Variants in BAALC observed in about 807,000 individuals in gnomAD.
BAALC encodes the protein brain and acute leukemia cytoplasmic protein.
Under a neutral mutation model 15.5 loss-of-function variants are expected in BAALC, and 9 were observed. That is an observed-to-expected ratio of 0.58 (90% confidence interval 0.35 to 1.02). The LOEUF is 1.02. BAALC is among the 50% of genes least tolerant of loss of function. The pLI, the probability that BAALC is intolerant of heterozygous loss-of-function variation, is 0.02. For missense variants in BAALC, 201 were observed against 192.4 expected, an observed-to-expected ratio of 1.04 and a Z score of -0.27; for synonymous variants, 80 against 74.6, an observed-to-expected ratio of 1.07 and a Z score of -0.37.
Position 103,173,789 on chromosome 8 carries a change from T to C in BAALC, c.160+32732T>C, listed in dbSNP as rs138203127. Among the ~76,000 whole-genome samples, 691 of 152,242 alleles carry C rather than the reference T, an allele frequency of 4.5e-3. 7 individuals are homozygous for C. Among genetic ancestry groups the C allele is most frequent in the Non-Finnish European group, 6.7e-3 (454 of 68,026 alleles). Reference sequence around the variant, plus strand: ...AAAAATTAAAAAGCATTAGGGAAAATATTACTCAACTTAAACCTTGACAAA... The same window carrying C: ...AAAAATTAAAAAGCATTAGGGAAAACATTACTCAACTTAAACCTTGACAAA... On this transcript the variant is annotated intron_variant, in intron 1 of 2. Coordinates refer to ENST00000309982, the MANE Select transcript of BAALC (RefSeq NM_024812.3).
At position 103,202,286 on chromosome 8, in the gene BAALC, G is replaced by T. The variant is rs1440928915; in HGVS notation, c.161-10633G>T. ...AAAGAGGTAATTAAGGTAAGATGAG[G>T]TTATTTGGGTAGGCACAAATCCAGT... On this transcript the variant is annotated intron_variant, in intron 1 of 2. Transcript: ENST00000309982. Among the ~76,000 whole-genome samples, 5 of 152,180 alleles carry T rather than the reference G, an allele frequency of 3.3e-5. No individual in the cohort carries two copies. The East Asian group carries it at 7.7e-4, about 23-fold the overall frequency.
intron 1 of BAALC, among the ~76,000 whole-genome samples, chr8:103,181,463 G>A (rs1028961941): frequency 1.5e-5 from 2 of 130,894 alleles, no homozygotes; most frequent in Non-Finnish European, 3.5e-5. Flanking sequence ...AGTAGAGATG[G>A]GGGTTTCACC....
At chr8:103,158,434 CT>C (rs1461246700) in intron 1 of BAALC, among the ~76,000 whole-genome samples, 1 of 152,142 alleles carries the variant, frequency 6.6e-6, no homozygotes, top group Non-Finnish European at 1.5e-5. Flanking sequence ...TTCTTCCTTT[CT>C]TTATTAAATA....
chr8:103,198,140 G>A, intron 1 of BAALC: 1 of 702,160 alleles, frequency 1.4e-6, no homozygotes, highest in Non-Finnish European at 2.6e-6. Context: ...CCTACAGAAA[G>A]TTGGGCATCC....
chr8:103,224,137 G>A (rs1586446271), intron 2 of BAALC, among the ~76,000 whole-genome samples: 1 of 145,566 alleles, frequency 6.9e-6, no homozygotes, highest in Non-Finnish European at 1.5e-5. Flanking sequence ...GTGTGTGTGT[G>A]TTTAGCAGGC....
intron 1 of BAALC, among the ~76,000 whole-genome samples, chr8:103,170,677 T>C (rs957954713): frequency 6.6e-6 from 1 of 152,246 alleles, no homozygotes; most frequent in Admixed American, 6.5e-5. Context: ...TTCAGACTTC[T>C]AGCTCCCAGA....
At chr8:103,156,893 G>C (rs1256783396) in intron 1 of BAALC, 2 of 152,246 alleles carry the variant, frequency 1.3e-5, no homozygotes. Flanking sequence ...GATCTTCTTA[G>C]AGAAAGAGCA....
chr8:103,141,116 G>A (rs993419857), intron 1 of BAALC, 59 bp downstream of exon 1: 5 of 1,380,888 alleles, frequency 3.6e-6, no homozygotes, highest in African/African-American at 3.1e-5. Context: ...GCCTTGGCCC[G>A]GGCACTGAGA....
At chr8:103,152,600 G>A (rs763451403) in intron 1 of BAALC, among the ~76,000 whole-genome samples, 2 of 152,212 alleles carry the variant, frequency 1.3e-5, no homozygotes, top group Non-Finnish European at 2.9e-5. Context: ...CAAGTGCTTA[G>A]AACAGTGCCC....
chr8:103,186,441 T>C (rs6989822), intron 1 of BAALC, among the ~76,000 whole-genome samples: 10,953 of 152,234 alleles, frequency 0.072, 489 homozygotes, highest in African/African-American at 0.12. Flanking sequence ...CATGACATTA[T>C]AGCCCCTCAG....
In BAALC at chr8:103,141,799, G is replaced by A. The variant is rs116156839; in HGVS notation, c.160+742G>A. Among the ~76,000 whole-genome samples, 308 of 152,346 alleles carry A rather than the reference G, an allele frequency of 2.0e-3. 1 individual carries two copies. Among genetic ancestry groups the A allele is most frequent in the Middle Eastern group, 0.014 (4 of 294 alleles). On this transcript the variant is annotated intron_variant, in intron 1 of 2. Transcript: ENST00000309982. ...ACTATAAATTAAATACTCTTGCCTAGGTCATTCCTCATCCAGCAGAAATCT... is the reference window on the plus strand; with the variant it reads ...ACTATAAATTAAATACTCTTGCCTAAGTCATTCCTCATCCAGCAGAAATCT...
intron 1 of BAALC, among the ~76,000 whole-genome samples, chr8:103,197,725 G>A (rs549812704): frequency 3.3e-5 from 5 of 152,140 alleles, no homozygotes; most frequent in African/African-American, 4.8e-5. Flanking sequence ...GGCAGCCAGC[G>A]TGTCACAGGG....
chr8:103,143,524 A>C (rs772827785), intron 1 of BAALC, among the ~76,000 whole-genome samples: 3 of 152,206 alleles, frequency 2.0e-5, no homozygotes, highest in Non-Finnish European at 4.4e-5. Context: ...AGAATTCTAG[A>C]GCTGGAGAAG....
rs1047706525 is a variant in BAALC at position 103,229,823 on chromosome 8, T to G, written c.*1724T>G. Reference sequence around the variant, plus strand: ...TCTTTGAGAAAGGGCTTTTAGGAACTTTATGTTCTAAAAAATGTTTTTAAC... The same window carrying G: ...TCTTTGAGAAAGGGCTTTTAGGAACGTTATGTTCTAAAAAATGTTTTTAAC... On this transcript the variant is annotated 3_prime_UTR_variant, in exon 3 of 3. Coordinates refer to ENST00000309982, the MANE Select transcript of BAALC (RefSeq NM_024812.3). The G allele has an allele frequency of 2.0e-5, 3 of 152,218 alleles. No individual in the cohort carries two copies. The highest frequency in any genetic ancestry group is 4.4e-5 in the Non-Finnish European group (3 of 68,042). 9.4% of individuals were successfully genotyped at this position (152,218 alleles called of 1,614,324 possible). A position where few individuals can be genotyped will look rare whatever the true frequency, so the allele number is the denominator to read the frequency against.
At chr8:103,173,996 C>T (rs1811553026) in intron 1 of BAALC, among the ~76,000 whole-genome samples, 1 of 152,184 alleles carries the variant, frequency 6.6e-6, no homozygotes, top group Non-Finnish European at 1.5e-5. Context: ...ATGGAAAGGA[C>T]ACCCATTCTC....
At chr8:103,224,264 C>A (rs770481990) in intron 2 of BAALC, among the ~76,000 whole-genome samples, 1 of 151,942 alleles carries the variant, frequency 6.6e-6, no homozygotes, top group Non-Finnish European at 1.5e-5. Flanking sequence ...GACCATGGCC[C>A]GTGACACACC....
chr8:103,197,558 A>G (rs759208659), intron 1 of BAALC, among the ~76,000 whole-genome samples: 4 of 152,236 alleles, frequency 2.6e-5, no homozygotes, highest in Non-Finnish European at 5.9e-5. Context: ...GTATTAGGCC[A>G]TTCTTGTGTT....
At position 103,215,227 on chromosome 8, in the gene BAALC, T is replaced by C. The variant is rs377390038; in HGVS notation, c.327+2142T>C. Among the ~76,000 whole-genome samples the C allele has an allele frequency of 1.4e-4, 21 of 152,306 alleles. No homozygotes were observed. The East Asian group carries it at 3.3e-3, about 24-fold the overall frequency. ...CTTTTAAGTCTACTGGCTCCTTAAG[T>C]TCCCCTAAGAGCATTGTGAAGTAAG... is the stretch of plus-strand genomic sequence containing the variant. On this transcript the variant is annotated intron_variant, in intron 2 of 2. Transcript: ENST00000309982.
At chr8:103,167,181 T>C (rs1811367726) in intron 1 of BAALC, among the ~76,000 whole-genome samples, 1 of 152,194 alleles carries the variant, frequency 6.6e-6, no homozygotes, top group Non-Finnish European at 1.5e-5. Flanking sequence ...ATAGACCAAA[T>C]ATAAATGTCC....
Sources: allele counts gnomAD v4.1 joint callset (sites outside exome capture counted in the v4.1 genomes callset), GRCh38; gene constraint gnomAD v4.1.1; transcripts MANE v1.5; gene names NCBI Gene and HGNC (gene_info 2026-07-23, HGNC 2026-07-21).